Variants in CADPS observed in about 807,000 individuals in gnomAD.
CADPS encodes the protein calcium-dependent secretion activator 1.
Under a neutral mutation model 167.3 loss-of-function variants are expected in CADPS, and 57 were observed. That is an observed-to-expected ratio of 0.34 (90% CI 0.28 to 0.42). The LOEUF is 0.42. CADPS is among the 20% of genes least tolerant of loss of function. CADPS has a pLI of 1.00. For synonymous variants in CADPS, 676 were observed against 635.3 expected, an observed-to-expected ratio of 1.06 and a Z score of -0.96; for missense variants, 1,414 against 1,738.1, an observed-to-expected ratio of 0.81 and a Z score of 3.32.
In CADPS at chr3:62,875,136, C is replaced by T. The variant is rs960613025; in HGVS notation, c.-107G>A. On this transcript the variant is annotated 5_prime_UTR_variant, in exon 1 of 30. Coordinates refer to ENST00000383710, the MANE Select transcript of CADPS (RefSeq NM_003716.4). ...AGCTCTCCCGGGTGGGCGCTTCTCC[C>T]CAGGTCAGGGAGCGAGAGCGCTGCT... is the stretch of plus-strand genomic sequence containing the variant. The T allele has an allele frequency of 6.1e-6, 8 of 1,306,660 alleles. No homozygotes were observed. Among genetic ancestry groups the T allele is most frequent in the Non-Finnish European group, 7.9e-6 (8 of 1,015,150 alleles). 80.9% of individuals were successfully genotyped at this position (1,306,660 alleles called of 1,614,324 possible).
Position 62,662,235 on chromosome 3 carries a change from A to G in CADPS, c.969+79T>C, listed in dbSNP as rs2073416001. On this transcript the variant is annotated intron_variant, in intron 4 of 29. Transcript: ENST00000383710. ...TCTCTGCTTCTCAGCTTTATCCTTT[A>G]GAGGCTGTCAATAATCAATGTGCTT... 4 of 1,179,496 alleles carry G rather than the reference A, an allele frequency of 3.4e-6. No homozygotes were observed. In the East Asian group the frequency reaches 9.4e-5, roughly 28 times the overall value. 73.1% of individuals were successfully genotyped at this position (1,179,496 alleles called of 1,614,324 possible). A position where few individuals can be genotyped will look rare whatever the true frequency, so the allele number is the denominator to read the frequency against.
chr3:62,512,500 G>A (rs949973419), intron 17 of CADPS, among the ~76,000 whole-genome samples: 3 of 152,140 alleles, frequency 2.0e-5, no homozygotes, highest in Non-Finnish European at 4.4e-5. Context: ...AGGATGAAAT[G>A]AAGCTCTGCA....
At chr3:62,583,155 G>GTCTCCCTC (rs1553945716) in intron 8 of CADPS, among the ~76,000 whole-genome samples, 2 of 147,178 alleles carry the variant, frequency 1.4e-5, no homozygotes, top group African/African-American at 5.0e-5. Context: ...TACCCTCTTT[G>GTCTCCCTC]TCTCTCTCTC....
chr3:62,563,491 T>G (rs552694455), intron 9 of CADPS, among the ~76,000 whole-genome samples: 37 of 145,666 alleles, frequency 2.5e-4, no homozygotes, highest in African/African-American at 8.2e-4. Flanking sequence ...GTTGGTTCTA[T>G]CTGAGTAATT....
intron 8 of CADPS, among the ~76,000 whole-genome samples, chr3:62,580,999 C>T (rs1343153224): frequency 6.6e-6 from 1 of 152,124 alleles, no homozygotes; most frequent in Non-Finnish European, 1.5e-5. Context: ...TTATGTGGGT[C>T]ATTTGAATTA....
intron 16 of CADPS, among the ~76,000 whole-genome samples, 187 bp from the exon 17 acceptor site, chr3:62,512,955 G>A (rs893199647): frequency 2.6e-5 from 4 of 152,118 alleles, no homozygotes; most frequent in African/African-American, 9.7e-5. Flanking sequence ...CTCCTTCACA[G>A]AGGTGGAAAA....
intron 13 of CADPS, among the ~76,000 whole-genome samples, chr3:62,522,148 T>A (rs1577166981): frequency 1.4e-5 from 2 of 143,828 alleles, no homozygotes; most frequent in Admixed American, 7.0e-5. Flanking sequence ...TATCTATCTA[T>A]CTAACTATTG....
At chr3:62,687,657 G>C (rs1403170175) in intron 3 of CADPS, among the ~76,000 whole-genome samples, 1 of 150,126 alleles carries the variant, frequency 6.7e-6, no homozygotes, top group African/African-American at 2.4e-5. Flanking sequence ...ATTATCTATT[G>C]TGTATACTGA....
At position 62,544,736 on chromosome 3, in the gene CADPS, G is replaced by A; in HGVS notation, c.1966+5167C>T. ...GGTCAGGAAAATAACATGAAAAGTT[G>A]TACTACAAATTCTAGACATGAGGAA... On this transcript the variant is annotated intron_variant, in intron 11 of 29. Transcript: ENST00000383710. This position sits in a 1 kb window ranked among gnomAD's most constrained non-coding sequence, Gnocchi z 4.4. 2.7e-6 allele frequency: 1 copy of A among 377,048 alleles called. No individual in the cohort carries two copies. The highest frequency in any genetic ancestry group is 3.9e-6 in the Non-Finnish European group (1 of 257,444). 23.4% of individuals were successfully genotyped at this position (377,048 alleles called of 1,614,324 possible). A position where few individuals can be genotyped will look rare whatever the true frequency, so the allele number is the denominator to read the frequency against.
chr3:62,509,291 C>CAAAAA (rs756659299), intron 17 of CADPS, among the ~76,000 whole-genome samples: 12 of 103,088 alleles, frequency 1.2e-4, no homozygotes, highest in East Asian at 2.7e-4. Flanking sequence ...GACTCTGTCT[C>CAAAAA]AAAAAAAAAA....
intron 13 of CADPS, among the ~76,000 whole-genome samples, chr3:62,528,045 C>T (rs1017788387): frequency 6.6e-6 from 1 of 152,074 alleles, no homozygotes; most frequent in East Asian, 1.9e-4. Flanking sequence ...CCCCACAAAG[C>T]TAAAATCTCC....
chr3:62,827,650 G>A (rs1169362417), intron 1 of CADPS, among the ~76,000 whole-genome samples: 1 of 152,130 alleles, frequency 6.6e-6, no homozygotes, highest in Admixed American at 6.6e-5. Flanking sequence ...CTTTCAAATA[G>A]CTTTGATATA....
At position 62,455,052 on chromosome 3, in the gene CADPS, A is replaced by AT. The variant is rs2058523149; in HGVS notation, c.3637-9256dup. ...AGCCGCAGCCTCATTAACGATGAGAATTGTTCTCATCTCCTGTTGTTCAGG... is the reference window on the plus strand; with the variant it reads ...AGCCGCAGCCTCATTAACGATGAGAATTTGTTCTCATCTCCTGTTGTTCAGG... On this transcript the variant is annotated intron_variant, in intron 26 of 29. Coordinates refer to ENST00000383710, the MANE Select transcript of CADPS (RefSeq NM_003716.4). The surrounding 1 kb of genome is among the most constrained non-coding windows in gnomAD (Gnocchi z 4.4). Among the ~76,000 whole-genome samples, 1 of 151,602 alleles carries AT rather than the reference A, an allele frequency of 6.6e-6. No homozygotes were observed. Among genetic ancestry groups the AT allele is most frequent in the Non-Finnish European group, 1.5e-5 (1 of 67,890 alleles).
chr3:62,715,373 C>CTATCTATCTACCTATCTAT (rs1554105668), intron 3 of CADPS, among the ~76,000 whole-genome samples: 6 of 134,580 alleles, frequency 4.5e-5, no homozygotes, highest in African/African-American at 1.7e-4. Flanking sequence ...TATCTATCTA[C>CTATCTATCTACCTATCTAT]CTATCTATCT....
intron 2 of CADPS, among the ~76,000 whole-genome samples, chr3:62,757,581 T>C (rs72878386): frequency 6.6e-6 from 1 of 152,266 alleles, no homozygotes; most frequent in African/African-American, 2.4e-5. Flanking sequence ...ACACGGTATA[T>C]TGGTCTCTTA....
intron 11 of CADPS, among the ~76,000 whole-genome samples, chr3:62,540,593 A>C (rs2075525773): frequency 6.6e-6 from 1 of 152,170 alleles, no homozygotes. Flanking sequence ...ACAGAATTCT[A>C]GGTGCAGGTG....
chr3:62,665,924 C>A (rs1342508562), intron 3 of CADPS, among the ~76,000 whole-genome samples: 1 of 152,298 alleles, frequency 6.6e-6, no homozygotes, highest in East Asian at 1.9e-4. Context: ...ATGCAGCAAA[C>A]CCTCATGAAT....
intron 10 of CADPS, among the ~76,000 whole-genome samples, chr3:62,553,834 T>A (rs1002527698): frequency 6.6e-6 from 1 of 152,178 alleles, no homozygotes; most frequent in African/African-American, 2.4e-5. Context: ...GCCATCAGTC[T>A]TAGAAAAAGC....
intron 1 of CADPS, among the ~76,000 whole-genome samples, chr3:62,806,065 C>G (rs1432794045): frequency 2.0e-5 from 3 of 151,970 alleles, no homozygotes; most frequent in Non-Finnish European, 2.9e-5. Flanking sequence ...CATAATGTAC[C>G]CCTCAATTAC....
Sources: gnomAD v4.1 joint callset for allele counts (sites outside exome capture counted in the v4.1 genomes callset) on GRCh38, gnomAD v4.1.1 for gene constraint, Gnocchi (gnomAD v3.1) non-coding constraint, MANE v1.5 for transcripts, NCBI Gene and HGNC (gene_info 2026-07-23, HGNC 2026-07-21) for gene names.